IYD: variants seen among roughly 807,000 people sequenced by gnomAD.
IYD encodes the protein iodotyrosine deiodinase, also known as iodotyrosine deiodinase 1.
A neutral mutation model predicts 28.4 loss-of-function variants in IYD; 25 were observed. That is an observed-to-expected ratio of 0.88 (90% CI 0.64 to 1.23). The LOEUF (loss-of-function observed/expected upper bound fraction) is 1.23, where lower values mean the gene tolerates loss of function less well. Ranked by LOEUF, IYD falls within the 50% of genes most tolerant of loss-of-function variation. The pLI is 0.00. For synonymous variants in IYD, 140 were observed against 130.8 expected, an observed-to-expected ratio of 1.07 and a Z score of -0.48; for missense variants, 352 against 357.9, an observed-to-expected ratio of 0.98 and a Z score of 0.13.
chr6:150,370,139 C>A, intron 1 of IYD: 1 of 673,384 alleles, frequency 1.5e-6, no homozygotes, highest in South Asian at 1.6e-5. Context: ...CATCCCCAAA[C>A]AGAGGCCACC....
intron 1 of IYD, among the ~76,000 whole-genome samples, chr6:150,377,215 C>T (rs892990274): frequency 2.0e-5 from 3 of 152,200 alleles, no homozygotes; most frequent in African/African-American, 4.8e-5. Context: ...TAATAGTATA[C>T]ATTTGCTTTG....
At chr6:150,369,245 C>A (rs371640386) in intron 1 of IYD, 36 bp downstream of exon 1, 2 of 1,597,612 alleles carry the variant, frequency 1.3e-6, no homozygotes, top group African/African-American at 1.3e-5. Flanking sequence ...GCTTCGCTGT[C>A]GTGTTGTGTT....
At chr6:150,369,543 G>A (rs1382607964) in intron 1 of IYD, among the ~76,000 whole-genome samples, 1 of 152,290 alleles carries the variant, frequency 6.6e-6, no homozygotes, top group East Asian at 1.9e-4. Flanking sequence ...GGACTAAGAG[G>A]CCAGGTTTTG....
At chr6:150,388,720 T>C (rs1318776600) in intron 1 of IYD, among the ~76,000 whole-genome samples, 9 of 149,288 alleles carry the variant, frequency 6.0e-5, no homozygotes, top group Admixed American at 2.7e-4. Flanking sequence ...TTTTTTTTTT[T>C]TGATGGAGTC....
Position 150,399,354 on chromosome 6 carries a change from T to G in IYD, c.*1117T>G, listed in dbSNP as rs1182382545. On this transcript the variant is annotated 3_prime_UTR_variant, in exon 5 of 5. Coordinates refer to ENST00000344419, the MANE Select transcript of IYD (RefSeq NM_203395.3). ...CATAGCACCCACAGTGTCTCCCTTC[T>G]CTTCTACCCCAACCCCTGAAACACA... 1 of 152,238 alleles carries G rather than the reference T, an allele frequency of 6.6e-6. No homozygotes were observed. Among genetic ancestry groups the G allele is most frequent in the African/African-American group, 2.4e-5 (1 of 41,454 alleles). 9.4% of individuals were successfully genotyped at this position (152,238 alleles called of 1,614,324 possible).
At chr6:150,386,244 T>C (rs2115040345) in intron 1 of IYD, among the ~76,000 whole-genome samples, 1 of 152,238 alleles carries the variant, frequency 6.6e-6, no homozygotes. Flanking sequence ...TATGTATGTG[T>C]AAGGCTTGGA....
rs141791990 is a variant in IYD at position 150,386,835 on chromosome 6, A to G, written c.179-2517A>G. 1.7e-4 allele frequency among the ~76,000 whole-genome samples: 26 copies of G among 152,018 alleles called. No individual in the cohort carries two copies. In the East Asian group the frequency reaches 4.1e-3, roughly 24 times the overall value. On this transcript the variant is annotated intron_variant, in intron 1 of 4. Coordinates refer to ENST00000344419, the MANE Select transcript of IYD (RefSeq NM_203395.3). ...TTATGTGATGCATGGTATGACTTTC[A>G]ACCTTTCTATATGCTTATGTTTTAG...
intron 1 of IYD, among the ~76,000 whole-genome samples, chr6:150,373,707 G>C (rs1427540505): frequency 6.6e-6 from 1 of 152,178 alleles, no homozygotes; most frequent in Non-Finnish European, 1.5e-5. Context: ...ACCCCACAAA[G>C]AGTTGGCTTA....
intron 1 of IYD, among the ~76,000 whole-genome samples, chr6:150,383,757 G>T (rs1268651933): frequency 1.5e-5 from 2 of 131,448 alleles, no homozygotes; most frequent in Non-Finnish European, 3.1e-5. Flanking sequence ...GAGCCCAGGA[G>T]TTTGAGGCCC....
intron 1 of IYD, chr6:150,370,034 A>G: frequency 2.8e-6 from 2 of 702,260 alleles, no homozygotes; most frequent in Non-Finnish European, 5.2e-6. Context: ...GAGAGCGTGG[A>G]GGAAGCTTGA....
In IYD at chr6:150,389,399, T is replaced by C. The variant is rs1421995229; in HGVS notation, c.226T>C (p.Phe76Leu). 3.7e-6 allele frequency: 6 copies of C among 1,613,794 alleles called. No homozygotes were observed. The highest frequency in any genetic ancestry group is 5.1e-6 in the Non-Finnish European group (6 of 1,179,820). Residue 76 changes from phenylalanine (F) to leucine (L), a missense_variant, in exon 2 of 5, where the codon TTC (phenylalanine) becomes CTC (leucine). Phe to Leu is a conservative substitution (Grantham distance 22, BLOSUM62 0). Coordinates refer to ENST00000344419, the MANE Select transcript of IYD (RefSeq NM_203395.3). ...ESEENVEHIPFSHNHYPEKEM... is the reference protein window; with the variant it reads ...ESEENVEHIPLSHNHYPEKEM... ...AGAAGAAAATGTTGAACACATCCCC[T>C]TCTCTCATAACCACTATCCTGAGAA...
chr6:150,379,451 C>G (rs938622474), intron 1 of IYD, among the ~76,000 whole-genome samples: 1 of 152,204 alleles, frequency 6.6e-6, no homozygotes, highest in Non-Finnish European at 1.5e-5. Context: ...ATGCCATCCC[C>G]TTGGGAATCA....
intron 4 of IYD, 120 bp downstream of exon 4, chr6:150,394,375 C>T (rs1778235956): frequency 9.4e-7 from 1 of 1,061,164 alleles, no homozygotes; most frequent in African/African-American, 1.6e-5. Context: ...AGTGAGGTAA[C>T]TCTGATGTGA....
In IYD at chr6:150,392,336, G is replaced by C; in HGVS notation, c.371-9G>C. 1 of 1,612,804 alleles carries C rather than the reference G, an allele frequency of 6.2e-7. No homozygotes were observed. The highest frequency in any genetic ancestry group is 8.5e-7 in the Non-Finnish European group (1 of 1,179,858). On this transcript the variant is annotated splice_polypyrimidine_tract_variant and intron_variant, in intron 2 of 4. Transcript: ENST00000344419. ...TTTTAATTTCTGATTTTAATGGAAT[G>C]GGTGACAGGAACAGCCCCGAGTGGG...
chr6:150,378,976 G>A (rs1209009909), intron 1 of IYD, among the ~76,000 whole-genome samples: 1 of 152,090 alleles, frequency 6.6e-6, no homozygotes, highest in Non-Finnish European at 1.5e-5. Flanking sequence ...GCTTCCAGAG[G>A]GCTCCAAATG....
chr6:150,395,477 G>A, intron 4 of IYD: 10 of 1,537,050 alleles, frequency 6.5e-6, no homozygotes, highest in Middle Eastern at 1.7e-4. Flanking sequence ...ATCACCATGC[G>A]GCATCAGACT....
intron 4 of IYD, chr6:150,395,497 C>T (rs1016365834): frequency 1.8e-5 from 27 of 1,537,110 alleles, no homozygotes; most frequent in East Asian, 2.4e-5. Context: ...TGCGAGGCAC[C>T]GCCACCTGAT....
chr6:150,369,120 A>G lies in IYD; in HGVS notation c.89A>G (p.Lys30Arg). The change falls in exon 1 of 5, where the codon AAG (lysine) becomes AGG (arginine). Residue 30 changes from lysine (K) to arginine (R), a missense_variant. Coordinates refer to ENST00000344419, the MANE Select transcript of IYD (RefSeq NM_203395.3). ...AATGCCGACAGAAGCATGGAGAAAA[A>G]GAAGGGGGAGCCTAGAACCAGGGCC... is the stretch of plus-strand genomic sequence containing the variant. Reference protein sequence around the residue: ...FKNADRSMEKKKGEPRTRAEA... With the variant: ...FKNADRSMEKRKGEPRTRAEA... 1 of 1,613,930 alleles carries G rather than the reference A, an allele frequency of 6.2e-7. No individual in the cohort carries two copies. The highest frequency in any genetic ancestry group is 8.5e-7 in the Non-Finnish European group (1 of 1,179,978).
At chr6:150,397,062 TATA>T (rs1459532458) in intron 4 of IYD, among the ~76,000 whole-genome samples, 1 of 110,808 alleles carries the variant, frequency 9.0e-6, no homozygotes, top group Non-Finnish European at 1.6e-5. Flanking sequence ...TTAATCAAGG[TATA>T]GTATATGATG....
Sources: gnomAD v4.1 joint callset for allele counts (sites outside exome capture counted in the v4.1 genomes callset) on GRCh38, gnomAD v4.1.1 for gene constraint, MANE v1.5 for transcripts, NCBI Gene and HGNC (gene_info 2026-07-23, HGNC 2026-07-21) for gene names.